SLC4A4: variants seen among roughly 807,000 people sequenced by gnomAD.
SLC4A4 encodes electrogenic sodium bicarbonate cotransporter 1.
In SLC4A4, 27 loss-of-function variants were observed where a neutral mutation model predicts 111.5. The observed-to-expected ratio is 0.24, with a 90% CI of 0.18 to 0.33. The LOEUF is 0.33. SLC4A4 is among the 10% of genes least tolerant of loss of function. The probability of loss-of-function intolerance (pLI) is 1.00; values close to 1 mark genes in which losing one functional copy is unlikely to be tolerated. For synonymous variants in SLC4A4, 443 were observed against 463.4 expected (o/e 0.96, Z 0.57); for missense variants, 909 against 1,315.5 (o/e 0.69, Z 4.78).
intron 1 of SLC4A4, among the ~76,000 whole-genome samples, chr4:71,226,951 CAGAA>C (rs2149028279): frequency 6.6e-6 from 1 of 152,062 alleles, no homozygotes; most frequent in South Asian, 2.1e-4. Context: ...AGAAAAACTT[CAGAA>C]AGACAGTATT....
At chr4:71,491,510 T>C (rs1292394477) in intron 15 of SLC4A4, among the ~76,000 whole-genome samples, 2 of 151,782 alleles carry the variant, frequency 1.3e-5, no homozygotes, top group Non-Finnish European at 2.9e-5. Context: ...AACACATGCA[T>C]ATTAGGTTCA....
rs547153556 is a variant in SLC4A4, at chr4:71,101,925, G to A, written c.-2+9133G>A. On this transcript the variant is annotated intron_variant, in intron 2 of 26. Transcript: ENST00000649996. ...AATGGAACAAAGCTGGATGGAGAATGACTTTGGCGAGCTGAGAGAAGAAGG... is the reference window on the plus strand; with the variant it reads ...AATGGAACAAAGCTGGATGGAGAATAACTTTGGCGAGCTGAGAGAAGAAGG... Among the ~76,000 whole-genome samples the A allele has an allele frequency of 4.1e-3, 621 of 152,136 alleles. 3 individuals are homozygous for A. Among genetic ancestry groups the A allele is most frequent in the Non-Finnish European group, 4.6e-3 (316 of 68,016 alleles).
At chr4:71,174,875 C>T (rs528546774) in intron 2 of SLC4A4, among the ~76,000 whole-genome samples, 2 of 152,184 alleles carry the variant, frequency 1.3e-5, no homozygotes, top group South Asian at 4.1e-4. Flanking sequence ...TTTGGGATTA[C>T]AGCAATTTCC....
At chr4:71,307,586 A>G (rs1057347440) in intron 3 of SLC4A4, among the ~76,000 whole-genome samples, 3 of 152,214 alleles carry the variant, frequency 2.0e-5, no homozygotes, top group African/African-American at 7.2e-5. Flanking sequence ...CAGCAGCACC[A>G]CCATCATTGA....
At chr4:71,542,909 A>T (rs1323285968) in intron 18 of SLC4A4, among the ~76,000 whole-genome samples, 1 of 152,104 alleles carries the variant, frequency 6.6e-6, no homozygotes, top group African/African-American at 2.4e-5. Context: ...TCATTTATCC[A>T]TCAAACATTT....
Position 71,372,367 on chromosome 4 carries a change from C to G in SLC4A4, c.730+15180C>G, listed in dbSNP as rs967452342. 3.9e-5 allele frequency among the ~76,000 whole-genome samples: 6 copies of G among 152,190 alleles called. 1 individual carries two copies. The highest frequency in any genetic ancestry group is 2.6e-4 in the Admixed American group (4 of 15,286). ...CCTCTTACAGATCTCACCGGCAGGC[C>G]TGAAACCAGCCTGGGCTGGGGAAAA... On this transcript the variant is annotated intron_variant, in intron 6 of 25. Transcript: ENST00000264485.
intron 2 of SLC4A4, among the ~76,000 whole-genome samples, chr4:71,102,813 AT>A (rs796883269): frequency 0.011 from 1,639 of 151,806 alleles, 10 homozygotes; most frequent in East Asian, 0.044. Context: ...CTGCTGCAAA[AT>A]CATGCCAAAA....
rs1023409088 is a variant in SLC4A4, at chr4:71,247,060, C to A, written c.74-8160C>A. ...GGATTCTAGGTTAACAGAAGTCTCT[C>A]ATAGCATTTTTCCTAGTTCTGGGTA... On this transcript the variant is annotated intron_variant, in intron 2 of 25. Coordinates refer to ENST00000264485, the MANE Select transcript of SLC4A4 (RefSeq NM_001098484.3). Among the ~76,000 whole-genome samples the A allele has an allele frequency of 5.3e-5, 8 of 151,988 alleles. No homozygotes were observed. The South Asian group carries it at 1.7e-3, about 32-fold the overall frequency.
chr4:71,086,511 T>C (rs1037005763), intron 1 of SLC4A4, among the ~76,000 whole-genome samples: 2 of 152,062 alleles, frequency 1.3e-5, no homozygotes, highest in African/African-American at 2.4e-5. Flanking sequence ...TTCCAGTTTT[T>C]GCCCATTCAG....
intron 7 of SLC4A4, among the ~76,000 whole-genome samples, chr4:71,407,916 C>A (rs1721016179): frequency 2.0e-5 from 3 of 152,026 alleles, no homozygotes; most frequent in Admixed American, 2.0e-4. Flanking sequence ...CTTTGCTAAA[C>A]CCCATGGTTC....
At chr4:71,089,014 C>G (rs1362715852) in intron 1 of SLC4A4, among the ~76,000 whole-genome samples, 1 of 152,058 alleles carries the variant, frequency 6.6e-6, no homozygotes, top group East Asian at 1.9e-4. Context: ...CAACTTGGTT[C>G]CATTCTGTCT....
chr4:71,179,993 C>T (rs1745235594), intron 2 of SLC4A4, among the ~76,000 whole-genome samples: 2 of 152,060 alleles, frequency 1.3e-5, no homozygotes, highest in East Asian at 3.9e-4. Flanking sequence ...GGTACTGGTA[C>T]CAAAACAGAG....
chr4:71,333,124 T>C (rs769464570), intron 3 of SLC4A4, among the ~76,000 whole-genome samples: 4 of 152,252 alleles, frequency 2.6e-5, no homozygotes, highest in Non-Finnish European at 5.9e-5. Context: ...TTTATTGTAG[T>C]CTTTACAGTC....
chr4:71,129,949 A>C (rs947719345), intron 2 of SLC4A4, among the ~76,000 whole-genome samples: 1 of 152,052 alleles, frequency 6.6e-6, no homozygotes, highest in Non-Finnish European at 1.5e-5. Context: ...CGTGGACACA[A>C]AGAAGAGAAA....
At chr4:71,404,675 A>G (rs1720676906) in intron 7 of SLC4A4, among the ~76,000 whole-genome samples, 2 of 152,160 alleles carry the variant, frequency 1.3e-5, no homozygotes, top group Admixed American at 1.3e-4. Flanking sequence ...AGAAACGAGC[A>G]TTTTTCTTCT....
At position 71,569,643 on chromosome 4, in the gene SLC4A4, G is replaced by T. The variant is rs1317229549; in HGVS notation, c.*1892G>T. On this transcript the variant is annotated 3_prime_UTR_variant, in exon 26 of 26. Transcript: ENST00000264485. The stretch of plus-strand genomic sequence containing the variant: ...CTGTGATATATCCTAACTATAACCA[G>T]TTGTTGAGGGGTATACTAGAAGCAG... 6.6e-6 allele frequency: 1 copy of T among 151,572 alleles called. No homozygotes were observed. The highest frequency in any genetic ancestry group is 1.5e-5 in the Non-Finnish European group (1 of 67,768). The allele number at this position is 151,572 out of a possible 1,614,324, so 9.4% of individuals were successfully genotyped here.
At chr4:71,485,858 GCTACACTGGGT>G (rs1729340426) in intron 14 of SLC4A4, among the ~76,000 whole-genome samples, 1 of 151,410 alleles carries the variant, frequency 6.6e-6, no homozygotes, top group Non-Finnish European at 1.5e-5. Context: ...CCTGTTAAGA[GCTACACTGGGT>G]AGATTTTAGG....
At chr4:71,334,288 G>A (rs969847786) in intron 3 of SLC4A4, among the ~76,000 whole-genome samples, 1 of 151,978 alleles carries the variant, frequency 6.6e-6, no homozygotes, top group African/African-American at 2.4e-5. Context: ...TTTAGCCCAG[G>A]GTATGTCTAA....
In SLC4A4 at chr4:71,440,555, A is replaced by G. The variant is rs551512426; in HGVS notation, c.808-61A>G. The G allele has an allele frequency of 9.8e-5, 155 of 1,588,334 alleles. 2 individuals are homozygous for G. The African/African-American group carries it at 1.7e-3, about 17-fold the overall frequency. ...CTTTTTGTTCCCTTCTCTGGAACTA[A>G]TAGTAATTCCACAGGAACCTTGTGG... is the stretch of plus-strand genomic sequence containing the variant. On this transcript the variant is annotated intron_variant, in intron 7 of 25. Transcript: ENST00000264485.
Sources: gnomAD v4.1 joint callset for allele counts (sites outside exome capture counted in the v4.1 genomes callset) on GRCh38, gnomAD v4.1.1 for gene constraint, MANE v1.5 for transcripts, NCBI Gene and HGNC (gene_info 2026-07-23, HGNC 2026-07-21) for gene names.